Variants in ANKHD1 observed in about 807,000 individuals in gnomAD.
ANKHD1 encodes the protein ankyrin repeat and KH domain-containing protein 1.
In ANKHD1, 31 loss-of-function variants were observed where a neutral mutation model predicts 230.5. The observed-to-expected ratio is 0.13, with a 90% confidence interval of 0.10 to 0.18. ANKHD1 has a LOEUF of 0.18. ANKHD1 is among the 10% of genes least tolerant of loss of function. The pLI, the probability that ANKHD1 is intolerant of heterozygous loss-of-function variation, is 1.00. For synonymous variants in ANKHD1, 1,074 were observed against 1,117.6 expected, an observed-to-expected ratio of 0.96 and a Z score of 0.78; for missense variants, 2,256 against 3,071.3, an observed-to-expected ratio of 0.73 and a Z score of 6.27.
intron 1 of ANKHD1, among the ~76,000 whole-genome samples, chr5:140,427,421 G>T (rs1420389770): frequency 8.4e-5 from 11 of 130,906 alleles, no homozygotes; most frequent in Non-Finnish European, 1.8e-4. Context: ...CGGGCGGGGG[G>T]CTGACCCCCC....
rs367667566 is a variant in ANKHD1, at chr5:140,423,363, T to G, written c.307-12741T>G. 3.2e-4 allele frequency among the ~76,000 whole-genome samples: 49 copies of G among 152,266 alleles called. 3 individuals are homozygous for G. In the East Asian group the frequency reaches 6.6e-3, roughly 20 times the overall value. Reference sequence around the variant, plus strand: ...ATTCAATGTGTGGATCATTGCCCTGTGTTAGTTGGATGATCACTCTAAAGA... The same window carrying G: ...ATTCAATGTGTGGATCATTGCCCTGGGTTAGTTGGATGATCACTCTAAAGA... On this transcript the variant is annotated intron_variant, in intron 1 of 33. Coordinates refer to ENST00000360839, the MANE Select transcript of ANKHD1 (RefSeq NM_017747.3).
In ANKHD1 at chr5:140,445,769, C is replaced by T. The variant is rs1326844177; in HGVS notation, c.941C>T (p.Ala314Val). 6.2e-7 allele frequency: 1 copy of T among 1,608,336 alleles called. No homozygotes were observed. Among genetic ancestry groups the T allele is most frequent in the Admixed American group, 1.7e-5 (1 of 59,670 alleles). ...TGNTALTYACAGGFVDIVKVL... is the reference protein window; with the variant it reads ...TGNTALTYACVGGFVDIVKVL... ...AACACTGCGCTAACTTATGCATGTG[C>T]TGGAGGATTTGTTGACATTGTTAAA... The change falls in exon 6 of 34, where the codon GCT becomes GTT. Residue 314 changes from alanine to valine, a missense_variant. By Grantham distance (64) the Ala-to-Val change is moderately conservative (BLOSUM62 0). Transcript: ENST00000360839.
chr5:140,518,438 T>C (rs1192010551), intron 24 of ANKHD1, among the ~76,000 whole-genome samples: 1 of 151,712 alleles, frequency 6.6e-6, no homozygotes. Context: ...ACTCATTTTA[T>C]GAGGCCAGCA....
intron 20 of ANKHD1, among the ~76,000 whole-genome samples, chr5:140,508,909 C>G (rs1752648024): frequency 6.6e-6 from 1 of 152,198 alleles, no homozygotes; most frequent in South Asian, 2.1e-4. Context: ...TCTTAGAACT[C>G]TGGAAAGACG....
intron 1 of ANKHD1, among the ~76,000 whole-genome samples, chr5:140,433,664 A>G (rs546869602): frequency 6.6e-6 from 1 of 152,300 alleles, no homozygotes; most frequent in Admixed American, 6.5e-5. Context: ...AGAGATATAT[A>G]TATCTCAAAT....
chr5:140,417,367 CT>C (rs1000842419), intron 1 of ANKHD1, among the ~76,000 whole-genome samples: 16 of 149,008 alleles, frequency 1.1e-4, no homozygotes, highest in African/African-American at 2.2e-4. Flanking sequence ...GATACATTCT[CT>C]TTTTTTTTGG....
At chr5:140,428,332 C>T (rs567580064) in intron 1 of ANKHD1, among the ~76,000 whole-genome samples, 129 of 152,362 alleles carry the variant, frequency 8.5e-4, no homozygotes, top group African/African-American at 3.0e-3. Context: ...CCACTGCACT[C>T]CAGCCTGGGC....
chr5:140,448,971 T>C (rs539870213), intron 6 of ANKHD1, among the ~76,000 whole-genome samples: 1 of 152,318 alleles, frequency 6.6e-6, no homozygotes, highest in East Asian at 1.9e-4. Context: ...ATTGCTTTAC[T>C]TAACTTGAAT....
chr5:140,486,930 A>G (rs1028576711), intron 13 of ANKHD1, 28 bp from the exon 14 acceptor site: 1 of 1,603,604 alleles, frequency 6.2e-7, no homozygotes, highest in African/African-American at 1.3e-5. Context: ...TTGGTCTGAG[A>G]TGATTTTTTT....
rs760118107 is a variant in ANKHD1, at chr5:140,496,946, AT to A, written c.2673del (p.His892ThrfsTer50). 25 of 1,614,082 alleles carry A rather than the reference AT, an allele frequency of 1.5e-5. No individual in the cohort carries two copies. The South Asian group carries it at 2.2e-4, about 14-fold the overall frequency. On this transcript the variant is annotated frameshift_variant, in exon 15 of 34. Coordinates refer to ENST00000360839, the MANE Select transcript of ANKHD1 (RefSeq NM_017747.3). LOFTEE classifies it high-confidence loss of function. ...GAAGGAGATGGTAGTCTCCCAGAGG[AT>A]CACTTTTCAGAGTTACCTCAGGTTG... is the stretch of plus-strand genomic sequence containing the variant. Reference protein sequence around the residue: ...EGEGDGSLPEDHFSELPQVDT... With the variant: ...EGEGDGSLPEXHFSELPQVDT...
At chr5:140,471,640 C>G (rs1776502980) in intron 10 of ANKHD1, among the ~76,000 whole-genome samples, 1 of 152,170 alleles carries the variant, frequency 6.6e-6, no homozygotes, top group Admixed American at 6.5e-5. Context: ...TTAGTTGACT[C>G]TGGTCAATGA....
intron 1 of ANKHD1, among the ~76,000 whole-genome samples, chr5:140,424,825 T>A (rs1772274186): frequency 6.6e-6 from 1 of 152,240 alleles, no homozygotes. Flanking sequence ...TTTAGAAGAT[T>A]CACTTCATCC....
chr5:140,495,363 A>G (rs1005460406), intron 14 of ANKHD1, among the ~76,000 whole-genome samples: 3 of 150,590 alleles, frequency 2.0e-5, no homozygotes, highest in Non-Finnish European at 4.4e-5. Context: ...CTCCTGCCTC[A>G]GCCTCCTGAG....
At chr5:140,533,948 A>AT (rs1485144816) in intron 29 of ANKHD1, among the ~76,000 whole-genome samples, 4 of 151,948 alleles carry the variant, frequency 2.6e-5, no homozygotes, top group East Asian at 1.9e-4. Context: ...AGAAAATTTA[A>AT]TTTTTTTTGT....
Position 140,441,262 on chromosome 5 carries a change from G to T in ANKHD1, c.913+120G>T, listed in dbSNP as rs1209217454. 3.1e-6 allele frequency: 4 copies of T among 1,279,432 alleles called. No individual in the cohort carries two copies. The African/African-American group carries it at 4.6e-5, about 15-fold the overall frequency. The allele number at this position is 1,279,432 out of a possible 1,614,324, so 79.3% of individuals were successfully genotyped here. On this transcript the variant is annotated intron_variant, in intron 5 of 33. Transcript: ENST00000360839. ...AACCTACAGAAAAATCTTAGCCCTTGTGTAGAATCTTTGAGTAAAATACAA... is the reference window on the plus strand; with the variant it reads ...AACCTACAGAAAAATCTTAGCCCTTTTGTAGAATCTTTGAGTAAAATACAA...
chr5:140,432,276 C>T (rs1773107122), intron 1 of ANKHD1, among the ~76,000 whole-genome samples: 1 of 152,176 alleles, frequency 6.6e-6, no homozygotes, highest in Admixed American at 6.5e-5. Context: ...CCAAGGCAAC[C>T]TATTGTCTTT....
chr5:140,512,688 T>A, intron 22 of ANKHD1, 140 bp from the exon 23 acceptor site: 1 of 642,812 alleles, frequency 1.6e-6, no homozygotes, highest in South Asian at 2.3e-5. Context: ...AGTATTTGCC[T>A]TTTTATTCTT....
intron 7 of ANKHD1, among the ~76,000 whole-genome samples, chr5:140,452,220 A>G (rs1774803752): frequency 6.6e-6 from 1 of 152,230 alleles, no homozygotes; most frequent in African/African-American, 2.4e-5. Context: ...CAAAGCGGCT[A>G]GGAAGCTCAA....
intron 1 of ANKHD1, among the ~76,000 whole-genome samples, chr5:140,427,816 G>C (rs527328285): frequency 9.9e-5 from 15 of 151,448 alleles, no homozygotes; most frequent in Admixed American, 3.9e-4. Context: ...GCTGCCGGGC[G>C]GAGACGTTCC....
Sources: allele counts gnomAD v4.1 joint callset (sites outside exome capture counted in the v4.1 genomes callset), GRCh38; gene constraint gnomAD v4.1.1; transcripts MANE v1.5; gene names NCBI Gene and HGNC (gene_info 2026-07-23, HGNC 2026-07-21).